Variants in ZNF547 observed in about 807,000 individuals in gnomAD.
ZNF547 encodes the protein zinc finger protein 547.
ZNF547 carries 4 observed loss-of-function variants against 7.7 expected under a neutral mutation model. The observed-to-expected ratio is 0.52, with a 90% CI of 0.26 to 1.20. ZNF547 has a LOEUF of 1.20. Among genes scored for constraint, ZNF547 ranks in the 50% most tolerant of loss-of-function variants. The pLI is 0.14. For synonymous variants in ZNF547, 166 were observed against 166.2 expected, an observed-to-expected ratio of 1.00 and a Z score of 0.01; for missense variants, 449 against 485.8, an observed-to-expected ratio of 0.92 and a Z score of 0.71.
chr19:57,368,291 G>A (rs117485692), intron 1 of ZNF547: 4,955 of 461,314 alleles, frequency 0.011, 51 homozygotes, highest in Non-Finnish European at 0.015. Flanking sequence ...TTTGACACCG[G>A]TAAGAGTCCT....
intron 1 of ZNF547, chr19:57,368,224 T>C (rs1239208006): frequency 3.2e-5 from 8 of 248,890 alleles, no homozygotes; most frequent in African/African-American, 6.7e-5. Flanking sequence ...TGAAAACATA[T>C]AGTAAACCAT....
chr19:57,371,974 G>A, intron 3 of ZNF547, 66 bp downstream of exon 3: 1 of 1,493,876 alleles, frequency 6.7e-7, no homozygotes, highest in Admixed American at 2.3e-5. Flanking sequence ...CCTGAAGGCA[G>A]CTCTGCGTTT....
intron 3 of ZNF547, among the ~76,000 whole-genome samples, chr19:57,373,584 G>A (rs1473335280): frequency 6.6e-6 from 1 of 152,134 alleles, no homozygotes; most frequent in African/African-American, 2.4e-5. Flanking sequence ...TTCTGCCTAT[G>A]AGCCTGTAAA....
chr19:57,373,818 C>A (rs1450034752), intron 3 of ZNF547, among the ~76,000 whole-genome samples: 1 of 152,230 alleles, frequency 6.6e-6, no homozygotes, highest in East Asian at 1.9e-4. Context: ...CTCCCACTGT[C>A]TTGGGCAACT....
At chr19:57,364,445 C>A in intron 1 of ZNF547, 1 of 191,090 alleles carries the variant, frequency 5.2e-6, no homozygotes. Flanking sequence ...GTAGATTCTT[C>A]AAAAGAATAG....
intron 3 of ZNF547, among the ~76,000 whole-genome samples, chr19:57,374,266 C>T (rs2088523214): frequency 6.6e-6 from 1 of 152,266 alleles, no homozygotes; most frequent in Admixed American, 6.5e-5. Context: ...CCCTTTTAGC[C>T]ATGGCTGGAG....
Position 57,371,867 on chromosome 19 carries a change from G to T in ZNF547, c.110G>T (p.Arg37Leu). Residue 37 changes from arginine to leucine, a missense_variant, in exon 3 of 4, where the codon CGT (arginine) becomes CTT (leucine). By Grantham distance (102) the Arg-to-Leu change is moderately radical. Transcript: ENST00000282282. ...GATGAGGCTCAGAGATTGCTGTACC[G>T]TGATGTGATGCTGGAGAATTTGGCC... is the stretch of plus-strand genomic sequence containing the variant. ...HLDEAQRLLY[R>L]DVMLENLALL... The T allele has an allele frequency of 6.2e-7, 1 of 1,613,296 alleles. No homozygotes were observed. Among genetic ancestry groups the T allele is most frequent in the Non-Finnish European group, 8.5e-7 (1 of 1,179,568 alleles).
At chr19:57,373,332 T>C (rs2088517873) in intron 3 of ZNF547, among the ~76,000 whole-genome samples, 1 of 152,178 alleles carries the variant, frequency 6.6e-6, no homozygotes, top group Non-Finnish European at 1.5e-5. Flanking sequence ...GATTCAGTTC[T>C]GTCCACCTGG....
At chr19:57,368,943 C>T (rs1399518393) in intron 2 of ZNF547, among the ~76,000 whole-genome samples, 3 of 152,028 alleles carry the variant, frequency 2.0e-5, no homozygotes, top group East Asian at 1.9e-4. Context: ...TCTGTTATAT[C>T]GGATAGGAAT....
rs750639022 is a variant in ZNF547, at chr19:57,377,899, G to A, written c.923G>A (p.Arg308Lys). 74 of 1,613,118 alleles carry A rather than the reference G, an allele frequency of 4.6e-5. 2 individuals are homozygous for A. In the South Asian group the frequency reaches 7.3e-4, roughly 16 times the overall value. The change falls in exon 4 of 4, where the codon AGG becomes AAG. Residue 308 changes from arginine to lysine, a missense_variant. Arg to Lys is a conservative substitution (Grantham distance 26). Transcript: ENST00000282282. ...CSECGKFFME[R>K]STLSRHQRVH... Reference sequence around the variant, plus strand: ...GAATGTGGGAAATTCTTTATGGAAAGGTCTACACTCAGTAGACATCAGAGA... The same window carrying A: ...GAATGTGGGAAATTCTTTATGGAAAAGTCTACACTCAGTAGACATCAGAGA...
intron 1 of ZNF547, among the ~76,000 whole-genome samples, chr19:57,367,426 G>GAAAAAA (rs750776299): frequency 4.6e-5 from 3 of 65,686 alleles, no homozygotes; most frequent in South Asian, 1.1e-3. Flanking sequence ...GTTTGTTCAA[G>GAAAAAA]AAAAAAAAAA....
intron 1 of ZNF547, chr19:57,365,317 A>G: frequency 8.9e-7 from 1 of 1,126,674 alleles, no homozygotes; most frequent in Non-Finnish European, 1.3e-6. Flanking sequence ...GAATGTGTAC[A>G]TTGTAAATTA....
At chr19:57,364,738 G>A in intron 1 of ZNF547, 2 of 1,048,940 alleles carry the variant, frequency 1.9e-6, no homozygotes, top group Non-Finnish European at 2.8e-6. Context: ...GAGATTCCGT[G>A]TCAAAAAAAG....
intron 2 of ZNF547, 33 bp from the exon 3 acceptor site, chr19:57,371,749 C>G (rs781251903): frequency 4.4e-6 from 7 of 1,588,416 alleles, no homozygotes; most frequent in Non-Finnish European, 6.0e-6. Context: ...GTTTGAAAAG[C>G]TGCTCATGTA....
chr19:57,368,319 C>G (rs2088482898), intron 1 of ZNF547: 1 of 532,398 alleles, frequency 1.9e-6, no homozygotes. Flanking sequence ...GGGAGCCATT[C>G]TTACAACCTA....
chr19:57,363,943 T>G (rs974725929), intron 1 of ZNF547: 3 of 152,448 alleles, frequency 2.0e-5, no homozygotes, highest in Non-Finnish European at 4.4e-5. Flanking sequence ...GTGGGTTGTT[T>G]CTGCGGGAAA....
chr19:57,364,041 G>A (rs956655681), intron 1 of ZNF547: 1 of 152,266 alleles, frequency 6.6e-6, no homozygotes, highest in African/African-American at 2.4e-5. Flanking sequence ...CCAGTGGGAG[G>A]GGCAGGTCCA....
Position 57,377,916 on chromosome 19 carries a change from C to CT in ZNF547, c.940_941insT (p.His314LeufsTer12). 1 of 1,614,142 alleles carries CT rather than the reference C, an allele frequency of 6.2e-7. No homozygotes were observed. The highest frequency in any genetic ancestry group is 8.5e-7 in the Non-Finnish European group (1 of 1,180,036). ...TATGGAAAGGTCTACACTCAGTAGA[C>CT]ATCAGAGAGTTCACACTGGAGAAAG... On this transcript the variant is annotated frameshift_variant, in exon 4 of 4. Transcript: ENST00000282282. LOFTEE classifies it low-confidence loss of function (END_TRUNC).
chr19:57,375,534 TACC>T (rs2088530910), intron 3 of ZNF547, among the ~76,000 whole-genome samples: 1 of 151,574 alleles, frequency 6.6e-6, no homozygotes, highest in Non-Finnish European at 1.5e-5. Flanking sequence ...TGGTGGCTCA[TACC>T]TGTTATCCCA....
Sources: gnomAD v4.1 joint callset for allele counts (sites outside exome capture counted in the v4.1 genomes callset) on GRCh38, gnomAD v4.1.1 for gene constraint, MANE v1.5 for transcripts, NCBI Gene and HGNC (gene_info 2026-07-23, HGNC 2026-07-21) for gene names.